The following BATF variants were observed in gnomAD, a reference collection of about 807,000 sequenced individuals.
BATF encodes basic leucine zipper transcriptional factor ATF-like.
Under a neutral mutation model 13.7 loss-of-function variants are expected in BATF, and 5 were observed. The ratio of observed to expected loss-of-function variants is 0.36; its 90% CI spans 0.19 to 0.77. BATF has a LOEUF of 0.77. Among genes scored for constraint, BATF ranks in the 30% least tolerant of loss-of-function variants. The pLI, the probability that BATF is intolerant of heterozygous loss-of-function variation, is 0.51. For missense variants in BATF, 124 were observed against 163.0 expected, an observed-to-expected ratio of 0.76 and a Z score of 1.30; for synonymous variants, 72 against 67.5, an observed-to-expected ratio of 1.07 and a Z score of -0.33.
chr14:75,524,996 C>A, intron 1 of BATF, 88 bp from the exon 2 acceptor site: 2 of 1,141,802 alleles, frequency 1.8e-6, no homozygotes, highest in Non-Finnish European at 2.5e-6. Flanking sequence ...GGAAGGATGG[C>A]TGGACGGATA....
intron 2 of BATF, among the ~76,000 whole-genome samples, chr14:75,536,709 C>A (rs1021421691): frequency 2.6e-5 from 1 of 39,212 alleles, no homozygotes; most frequent in African/African-American, 7.0e-5. Context: ...GGCAACAGGG[C>A]AAGATCCTGT....
chr14:75,532,279 G>A (rs1403150923), intron 2 of BATF, among the ~76,000 whole-genome samples: 1 of 151,972 alleles, frequency 6.6e-6, no homozygotes, highest in East Asian at 1.9e-4. Flanking sequence ...ATCTCTACAT[G>A]AATTAATTTT....
At chr14:75,527,250 T>C (rs1357233310) in intron 2 of BATF, among the ~76,000 whole-genome samples, 1 of 152,222 alleles carries the variant, frequency 6.6e-6, no homozygotes, top group Non-Finnish European at 1.5e-5. Flanking sequence ...TCACAAATTA[T>C]ACACACATTT....
intron 2 of BATF, among the ~76,000 whole-genome samples, chr14:75,525,562 G>C (rs555876989): frequency 6.6e-6 from 1 of 151,732 alleles, no homozygotes; most frequent in Non-Finnish European, 1.5e-5. Flanking sequence ...TACTTGGGAG[G>C]CTGAGGCAGG....
chr14:75,538,609 A>G lies in BATF; in HGVS notation c.169-7853A>G, dbSNP rs116780837. On this transcript the variant is annotated intron_variant, in intron 2 of 2. Transcript: ENST00000286639. ...ACATACAGTGGCCTGATGGCTTAAA[A>G]CAAAACAAACGGCCAGGTGCGGTGG... Among the ~76,000 whole-genome samples, 568 of 152,334 alleles carry G rather than the reference A, an allele frequency of 3.7e-3. 5 individuals are homozygous for G. Among genetic ancestry groups the G allele is most frequent in the African/African-American group, 0.013 (537 of 41,566 alleles).
intron 2 of BATF, among the ~76,000 whole-genome samples, chr14:75,541,219 A>C (rs903404480): frequency 2.0e-5 from 3 of 152,252 alleles, no homozygotes; most frequent in African/African-American, 7.2e-5. Context: ...GATCAGAATC[A>C]GGCATCAGGA....
At chr14:75,542,227 C>T (rs1465397229) in intron 2 of BATF, among the ~76,000 whole-genome samples, 1 of 152,194 alleles carries the variant, frequency 6.6e-6, no homozygotes, top group East Asian at 1.9e-4. Context: ...CCCAGGGTCT[C>T]AGTTGTCCTC....
intron 2 of BATF, among the ~76,000 whole-genome samples, chr14:75,543,392 T>G (rs1887931991): frequency 6.6e-6 from 1 of 152,148 alleles, no homozygotes; most frequent in South Asian, 2.1e-4. Flanking sequence ...GTGTCTGTCC[T>G]TCACAGATGA....
chr14:75,546,642 C>A lies in BATF; in HGVS notation c.349C>A (p.His117Asn). Reference sequence around the variant, plus strand: ...CAGCGCCCACGCATTCCACCAACCTCATGTCAGCTCCCCGCGCTTCCAGCC... The same window carrying A: ...CAGCGCCCACGCATTCCACCAACCTAATGTCAGCTCCCCGCGCTTCCAGCC... ...VYSAHAFHQPHVSSPRFQP is the reference protein window; with the variant it reads ...VYSAHAFHQPNVSSPRFQP The change falls in exon 3 of 3, where the codon CAT (histidine) becomes AAT (asparagine). Residue 117 changes from histidine (H) to asparagine (N), a missense_variant. By Grantham distance (68) the His-to-Asn change is moderately conservative. Coordinates refer to ENST00000286639, the MANE Select transcript of BATF (RefSeq NM_006399.5). 1.2e-6 allele frequency: 2 copies of A among 1,609,696 alleles called. No individual in the cohort carries two copies. The highest frequency in any genetic ancestry group is 1.7e-5 in the Admixed American group (1 of 59,774).
At chr14:75,531,903 G>A (rs72723621) in intron 2 of BATF, among the ~76,000 whole-genome samples, 4,294 of 152,254 alleles carry the variant, frequency 0.028, 82 homozygotes, top group Non-Finnish European at 0.044. Flanking sequence ...CACAGGTCAG[G>A]AATGTTCAGG....
At chr14:75,532,583 G>GTC (rs1887751746) in intron 2 of BATF, among the ~76,000 whole-genome samples, 1 of 152,118 alleles carries the variant, frequency 6.6e-6, no homozygotes, top group Admixed American at 6.5e-5. Context: ...AACAGAGTTT[G>GTC]AAGAAAAAAT....
chr14:75,541,180 T>C (rs542150275), intron 2 of BATF, among the ~76,000 whole-genome samples: 11 of 152,240 alleles, frequency 7.2e-5, no homozygotes, highest in Non-Finnish European at 1.5e-5. Context: ...TTCGTATAAA[T>C]TGAGCCAGGT....
At chr14:75,541,642 C>G (rs530011985) in intron 2 of BATF, among the ~76,000 whole-genome samples, 1 of 152,190 alleles carries the variant, frequency 6.6e-6, no homozygotes, top group Non-Finnish European at 1.5e-5. Flanking sequence ...AACAGGGTAG[C>G]CAAGGACTTA....
rs138426092 is a variant in BATF, at chr14:75,537,916, T to A, written c.169-8546T>A. Among the ~76,000 whole-genome samples, 756 of 152,282 alleles carry A rather than the reference T, an allele frequency of 5.0e-3. 3 individuals are homozygous for A. Among genetic ancestry groups the A allele is most frequent in the African/African-American group, 0.015 (622 of 41,576 alleles). On this transcript the variant is annotated intron_variant, in intron 2 of 2. Coordinates refer to ENST00000286639, the MANE Select transcript of BATF (RefSeq NM_006399.5). ...GCAAGTCTCACAAATTTAATTTGTT[T>A]GTTAACAAACAAATTTAATAAAATC...
intron 2 of BATF, among the ~76,000 whole-genome samples, chr14:75,545,215 CATTTTT>C (rs897826734): frequency 4.0e-5 from 6 of 151,674 alleles, no homozygotes; most frequent in East Asian, 1.9e-4. Flanking sequence ...TTATTTATTT[CATTTTT>C]ATTTTTATTT....
intron 2 of BATF, among the ~76,000 whole-genome samples, chr14:75,544,593 A>T (rs1887953942): frequency 1.3e-5 from 2 of 150,802 alleles, no homozygotes; most frequent in East Asian, 1.9e-4. Context: ...AAAAATTCAG[A>T]TCTGCAGACT....
intron 2 of BATF, among the ~76,000 whole-genome samples, chr14:75,541,408 C>T (rs981519771): frequency 6.6e-6 from 1 of 152,204 alleles, no homozygotes; most frequent in South Asian, 2.1e-4. Context: ...TGATGGAGCT[C>T]ACCGTGGTCA....
intron 1 of BATF, among the ~76,000 whole-genome samples, chr14:75,523,311 G>A (rs1192393691): frequency 6.6e-6 from 1 of 152,186 alleles, no homozygotes; most frequent in Non-Finnish European, 1.5e-5. Context: ...TGCCTCTGTT[G>A]CTAGCACAGC....
At position 75,530,017 on chromosome 14, in the gene BATF, T is replaced by C. The variant is rs369131135; in HGVS notation, c.168+4829T>C. On this transcript the variant is annotated intron_variant, in intron 2 of 2. Transcript: ENST00000286639. The stretch of plus-strand genomic sequence containing the variant: ...AGGCGGAGCTTGCAGTGAACCAAGA[T>C]AGCGCCACTGCACTCCAGCCTGGGA... Among the ~76,000 whole-genome samples the C allele has an allele frequency of 1.5e-5, 2 of 130,152 alleles. 1 individual carries two copies. Among genetic ancestry groups the C allele is most frequent in the East Asian group, 4.4e-4 (2 of 4,556 alleles). 85.4% of individuals were successfully genotyped at this position (130,152 alleles called of 152,430 possible).
Sources: gnomAD v4.1 joint callset for allele counts (sites outside exome capture counted in the v4.1 genomes callset) on GRCh38, gnomAD v4.1.1 for gene constraint, MANE v1.5 for transcripts, NCBI Gene and HGNC (gene_info 2026-07-23, HGNC 2026-07-21) for gene names.